SYTL2: variants seen among roughly 807,000 people sequenced by gnomAD.
SYTL2 encodes the protein synaptotagmin-like protein 2.
Under a neutral mutation model 198.7 loss-of-function variants are expected in SYTL2, and 165 were observed. The ratio of observed to expected loss-of-function variants is 0.83; its 90% CI spans 0.73 to 0.94. The LOEUF is 0.94. Among genes scored for constraint, SYTL2 ranks in the 40% least tolerant of loss-of-function variants. SYTL2 has a pLI of 0.00. For missense variants in SYTL2, 2,835 were observed against 2,582.8 expected, an observed-to-expected ratio of 1.10 and a Z score of -2.12; for synonymous variants, 966 against 917.7, an observed-to-expected ratio of 1.05 and a Z score of -0.95.
intron 7 of SYTL2, 95 bp from the exon 8 acceptor site, chr11:85,728,062 T>G (rs1347713184): frequency 2.7e-6 from 3 of 1,108,424 alleles, no homozygotes; most frequent in Admixed American, 2.9e-5. Flanking sequence ...CACTTTGTAT[T>G]TGCACTTTCT....
intron 1 of SYTL2, among the ~76,000 whole-genome samples, chr11:85,796,971 T>A (rs1488619529): frequency 6.6e-6 from 1 of 152,216 alleles, no homozygotes; most frequent in Non-Finnish European, 1.5e-5. Context: ...GGAGGATCGC[T>A]TGGGCCCAGG....
At chr11:85,796,073 G>C (rs1443006745) in intron 1 of SYTL2, among the ~76,000 whole-genome samples, 1 of 152,196 alleles carries the variant, frequency 6.6e-6, no homozygotes, top group Non-Finnish European at 1.5e-5. Context: ...CTGATCTAAT[G>C]ATTATTATTT....
At chr11:85,787,583 T>G (rs995048029) in intron 1 of SYTL2, among the ~76,000 whole-genome samples, 107 of 152,154 alleles carry the variant, frequency 7.0e-4, no homozygotes, top group African/African-American at 2.4e-3. Flanking sequence ...CATTTGTGGG[T>G]AGCTGTTAGG....
At chr11:85,837,463 C>T in the SYTL2 span, among the ~76,000 whole-genome samples, 1 of 152,158 alleles carries the variant, frequency 6.6e-6, no homozygotes, top group Non-Finnish European at 1.5e-5. Flanking sequence ...CCTGATGGCA[C>T]CTTAATCTGG....
At chr11:85,802,722 A>G (rs1390383206) in intron 1 of SYTL2, among the ~76,000 whole-genome samples, 4 of 152,074 alleles carry the variant, frequency 2.6e-5, no homozygotes, top group African/African-American at 4.8e-5. Context: ...TTGAATAGTG[A>G]CTCTATGCAA....
chr11:85,740,894 CA>C (rs1329412745), intron 4 of SYTL2, among the ~76,000 whole-genome samples: 3 of 152,086 alleles, frequency 2.0e-5, no homozygotes, highest in Non-Finnish European at 4.4e-5. Context: ...CAGGAAGGGC[CA>C]CTGGGGGAAG....
intron 9 of SYTL2, 55 bp downstream of exon 9, chr11:85,720,803 T>C (rs2088181520): frequency 6.5e-6 from 8 of 1,221,576 alleles, no homozygotes; most frequent in Admixed American, 3.4e-5. Context: ...GGAGAGCACA[T>C]AGGCATTTTT....
At chr11:85,756,374 C>A (rs1200614805) in intron 2 of SYTL2, among the ~76,000 whole-genome samples, 3 of 152,222 alleles carry the variant, frequency 2.0e-5, no homozygotes, top group African/African-American at 7.2e-5. Flanking sequence ...CAGTGTCCTA[C>A]TTCACACCAT....
At chr11:85,698,445 T>C (rs112930987) in intron 17 of SYTL2, among the ~76,000 whole-genome samples, 1 of 152,188 alleles carries the variant, frequency 6.6e-6, no homozygotes, top group Non-Finnish European at 1.5e-5. Flanking sequence ...TTAATACCAG[T>C]ATCAGTTGGT....
chr11:85,714,320 C>T (rs1171546721), intron 12 of SYTL2, 93 bp downstream of exon 12: 1 of 1,021,654 alleles, frequency 9.8e-7, no homozygotes, highest in South Asian at 1.4e-5. Context: ...CCTCTTTGAT[C>T]TCTGCCACAG....
chr11:85,756,872 T>G (rs867812540), intron 2 of SYTL2, among the ~76,000 whole-genome samples: 11 of 152,320 alleles, frequency 7.2e-5, no homozygotes, highest in Admixed American at 2.0e-4. Flanking sequence ...GGATAACTCC[T>G]GGAGCGAGAA....
chr11:85,759,316 T>C lies in SYTL2; in HGVS notation c.-389-1202A>G, dbSNP rs536804830. The stretch of plus-strand genomic sequence containing the variant: ...CTTAAGAATAAAACAGTATGTACAT[T>C]AGTGAATAAAATTTATAAAAATTAA... On this transcript the variant is annotated intron_variant, in intron 1 of 19. Coordinates refer to ENST00000359152, the MANE Select transcript of SYTL2 (RefSeq NM_206927.4). Among the ~76,000 whole-genome samples, 11 of 151,888 alleles carry C rather than the reference T, an allele frequency of 7.2e-5. No individual in the cohort carries two copies. The South Asian group carries it at 1.7e-3, about 23-fold the overall frequency.
intron 4 of SYTL2, 142 bp downstream of exon 4, chr11:85,745,495 C>T: frequency 1.2e-6 from 1 of 803,948 alleles, no homozygotes. Flanking sequence ...CATCGGGGCC[C>T]AGAATTCTCT....
In SYTL2 at chr11:85,731,241, T is replaced by A. The variant is rs515668; in HGVS notation, c.1390+2698A>T. Among the ~76,000 whole-genome samples, 191 of 152,004 alleles carry A rather than the reference T, an allele frequency of 1.3e-3. 3 individuals are homozygous for A. The highest frequency in any genetic ancestry group is 1.7e-3 in the Admixed American group (26 of 15,254). ...CACAGAATTAGAAAAAAGTTTAAAT[T>A]TCATGTGGAACCAAAAAAGAGGTTG... is the stretch of plus-strand genomic sequence containing the variant. On this transcript the variant is annotated intron_variant, in intron 7 of 19. Coordinates refer to ENST00000359152, the MANE Select transcript of SYTL2 (RefSeq NM_206927.4).
rs750374367 is a variant in SYTL2, at chr11:85,698,021, A to G, written c.6326T>C (p.Leu2109Pro). Reference protein sequence around the residue: ...VHIWVKECLDLPLLRGSHLNS... With the variant: ...VHIWVKECLDPPLLRGSHLNS... ...TAGATGACTTCCCCTTAGCAGTGGT[A>G]GATCAAGGCATTCCTTCACCCAGAT... The change falls in exon 18 of 20, where the codon CTA becomes CCA. Residue 2109 changes from leucine to proline, a missense_variant. Physicochemically the swap from Leu to Pro is moderately conservative, Grantham distance 98 (BLOSUM62 -3). Coordinates refer to ENST00000359152, the MANE Select transcript of SYTL2 (RefSeq NM_206927.4). The G allele has an allele frequency of 6.2e-7, 1 of 1,613,864 alleles. No homozygotes were observed. Among genetic ancestry groups the G allele is most frequent in the Non-Finnish European group, 8.5e-7 (1 of 1,179,754 alleles).
At chr11:85,824,662 C>G in the SYTL2 span, among the ~76,000 whole-genome samples, 1 of 152,220 alleles carries the variant, frequency 6.6e-6, no homozygotes, top group African/African-American at 2.4e-5. Context: ...AAAGATTTCT[C>G]CTTTTCCCTG....
chr11:85,792,040 T>A (rs2092738089), intron 1 of SYTL2, among the ~76,000 whole-genome samples: 1 of 152,198 alleles, frequency 6.6e-6, no homozygotes, highest in Non-Finnish European at 1.5e-5. Flanking sequence ...AACAGATTAT[T>A]ACTACATACA....
chr11:85,854,306 GT>G, the SYTL2 span: 1 of 141,034 alleles, frequency 7.1e-6, no homozygotes. Flanking sequence ...AAAAAAAGTT[GT>G]CCGTTCAAAG....
intron 12 of SYTL2, among the ~76,000 whole-genome samples, chr11:85,712,695 T>TACACACAC (rs200738930): frequency 8.9e-5 from 13 of 145,472 alleles, no homozygotes; most frequent in East Asian, 6.0e-4. Flanking sequence ...AAAATACATA[T>TACACACAC]ACACACACAC....
Sources: allele counts gnomAD v4.1 joint callset (sites outside exome capture counted in the v4.1 genomes callset), GRCh38; gene constraint gnomAD v4.1.1; transcripts MANE v1.5; gene names NCBI Gene and HGNC (gene_info 2026-07-23, HGNC 2026-07-21).